The following RBFOX1 variants were observed in gnomAD, a reference collection of about 807,000 sequenced individuals.
The protein encoded by RBFOX1 is RNA binding fox-1 homolog 1, also known as RNA binding protein fox-1 homolog 1.
Under a neutral mutation model 57.7 loss-of-function variants are expected in RBFOX1, and 8 were observed. That is an observed-to-expected ratio of 0.14 (90% CI 0.08 to 0.25). The LOEUF is 0.25. Among genes scored for constraint, RBFOX1 ranks in the 10% least tolerant of loss-of-function variants. The pLI, the probability that RBFOX1 is intolerant of heterozygous loss-of-function variation, is 1.00. For missense variants in RBFOX1, 611 were observed against 548.5 expected, an observed-to-expected ratio of 1.11 and a Z score of -1.14; for synonymous variants, 326 against 222.4, an observed-to-expected ratio of 1.47 and a Z score of -4.15.
At chr16:7,133,510 A>G (rs1412472606) in intron 4 of RBFOX1, among the ~76,000 whole-genome samples, 1 of 152,188 alleles carries the variant, frequency 6.6e-6, no homozygotes, top group Non-Finnish European at 1.5e-5. Flanking sequence ...GTTGCAACCA[A>G]CAGAGAATCA....
intron 4 of RBFOX1, among the ~76,000 whole-genome samples, chr16:7,065,922 C>G (rs746721729): frequency 6.6e-6 from 1 of 152,154 alleles, no homozygotes; most frequent in Non-Finnish European, 1.5e-5. Flanking sequence ...GTGTAAGGCC[C>G]TGATCCTTAT....
intron 4 of RBFOX1, among the ~76,000 whole-genome samples, chr16:7,261,734 C>G (rs1033533735): frequency 6.6e-6 from 1 of 152,292 alleles, no homozygotes. Context: ...ATAATAGTAT[C>G]TACCTGATAG....
chr16:6,582,690 C>T (rs953310662), intron 2 of RBFOX1, among the ~76,000 whole-genome samples: 2 of 151,354 alleles, frequency 1.3e-5, no homozygotes, highest in Non-Finnish European at 2.9e-5. Context: ...CCATTTCTCT[C>T]TTCTCACTTC....
chr16:6,318,522 C>G (rs2152780007), intron 2 of RBFOX1, among the ~76,000 whole-genome samples: 1 of 152,210 alleles, frequency 6.6e-6, no homozygotes, highest in South Asian at 2.1e-4. Flanking sequence ...CATAAGGTTT[C>G]AAGGATGGGT....
chr16:5,454,744 T>TTTTTCTTCTCTTTCTTTCC (rs2068527878), intron 1 of RBFOX1, among the ~76,000 whole-genome samples: 1 of 118,654 alleles, frequency 8.4e-6, no homozygotes, highest in Admixed American at 8.6e-5. Flanking sequence ...TCTTTCTTTC[T>TTTTTCTTCTCTTTCTTTCC]TTTTCTTTTC....
intron 4 of RBFOX1, among the ~76,000 whole-genome samples, chr16:7,213,324 G>A (rs956189908): frequency 4.6e-5 from 7 of 152,228 alleles, no homozygotes; most frequent in African/African-American, 1.4e-4. Flanking sequence ...ATGGATCCAA[G>A]CCCAAACCAA....
intron 4 of RBFOX1, among the ~76,000 whole-genome samples, chr16:5,893,831 C>T (rs921001722): frequency 6.6e-6 from 1 of 151,828 alleles, no homozygotes; most frequent in Admixed American, 6.6e-5. Context: ...TCATGTAACC[C>T]ATAAATATAT....
At chr16:6,276,030 A>G (rs1017781898) in intron 1 of RBFOX1, among the ~76,000 whole-genome samples, 2 of 152,200 alleles carry the variant, frequency 1.3e-5, no homozygotes, top group Admixed American at 6.5e-5. Flanking sequence ...CTATTCTTTA[A>G]TTGTACAGAT....
In RBFOX1 at chr16:7,246,046, T is replaced by C. The variant is rs879308440; in HGVS notation, c.27+193948T>C. On this transcript the variant is annotated intron_variant, in intron 4 of 15. Coordinates refer to ENST00000550418, the MANE Select transcript of RBFOX1 (RefSeq NM_018723.4). ...CAAATTATCACCCACCTTAGATGAA[T>C]GATTAATTCCACAACTGTTAAGTAT... is the stretch of plus-strand genomic sequence containing the variant. 2.6e-5 allele frequency among the ~76,000 whole-genome samples: 4 copies of C among 152,352 alleles called. No individual in the cohort carries two copies. In the East Asian group the frequency reaches 7.7e-4, roughly 29 times the overall value.
intron 4 of RBFOX1, among the ~76,000 whole-genome samples, chr16:7,452,617 C>G (rs541972639): frequency 6.6e-6 from 1 of 152,282 alleles, no homozygotes; most frequent in African/African-American, 2.4e-5. Context: ...GTATCAGGCA[C>G]TTGCTGTGGT....
intron 2 of RBFOX1, chr16:6,577,314 T>G (rs1247314760): frequency 2.0e-5 from 3 of 152,320 alleles, no homozygotes; most frequent in Admixed American, 6.5e-5. Flanking sequence ...GTGATATCAG[T>G]GGAATTTCCA....
chr16:5,480,432 A>C (rs1340871041), intron 2 of RBFOX1, among the ~76,000 whole-genome samples: 1 of 152,182 alleles, frequency 6.6e-6, no homozygotes, highest in South Asian at 2.1e-4. Context: ...AAAAATACAG[A>C]CAAGTATTAA....
chr16:6,790,828 C>T (rs1364376962), intron 3 of RBFOX1, among the ~76,000 whole-genome samples: 1 of 151,948 alleles, frequency 6.6e-6, no homozygotes, highest in African/African-American at 2.4e-5. Context: ...TTTCAAATCA[C>T]AGTTATTTAA....
intron 3 of RBFOX1, among the ~76,000 whole-genome samples, chr16:5,856,975 CTGTT>C (rs2057087947): frequency 6.6e-6 from 1 of 152,088 alleles, no homozygotes; most frequent in African/African-American, 2.4e-5. Flanking sequence ...ACGTGGATAA[CTGTT>C]TGGGGGAAGA....
In RBFOX1 at chr16:7,243,210, G is replaced by A. The variant is rs1191641710; in HGVS notation, c.27+191112G>A. Among the ~76,000 whole-genome samples the A allele has an allele frequency of 2.6e-5, 4 of 152,222 alleles. No individual in the cohort carries two copies. The East Asian group carries it at 5.8e-4, about 22-fold the overall frequency. ...AACACATATTGATCTCTTGCTACGT[G>A]CCAACAACTACTCCAAGCACTTGGC... On this transcript the variant is annotated intron_variant, in intron 4 of 15. Coordinates refer to ENST00000550418, the MANE Select transcript of RBFOX1 (RefSeq NM_018723.4).
At chr16:5,308,487 C>A (rs556053196) in intron 1 of RBFOX1, among the ~76,000 whole-genome samples, 1 of 152,246 alleles carries the variant, frequency 6.6e-6, no homozygotes, top group East Asian at 1.9e-4. Flanking sequence ...TCTGACTGAT[C>A]AATTTCAGTC....
intron 4 of RBFOX1, among the ~76,000 whole-genome samples, chr16:7,294,610 C>G (rs901986468): frequency 6.6e-5 from 10 of 151,552 alleles, no homozygotes; most frequent in Admixed American, 3.9e-4. Context: ...TACTCCTGCT[C>G]TAATTGAGTA....
intron 1 of RBFOX1, among the ~76,000 whole-genome samples, chr16:6,104,604 T>G (rs536201191): frequency 2.6e-4 from 40 of 152,258 alleles, no homozygotes; most frequent in African/African-American, 9.4e-4. Context: ...CAACCACTAA[T>G]CTATCGTGTT....
chr16:5,964,020 T>C (rs1283577941), intron 4 of RBFOX1, among the ~76,000 whole-genome samples: 1 of 152,202 alleles, frequency 6.6e-6, no homozygotes, highest in Non-Finnish European at 1.5e-5. Flanking sequence ...GTGATTAATA[T>C]CTGTGTTTTA....
Sources: allele counts gnomAD v4.1 joint callset (sites outside exome capture counted in the v4.1 genomes callset), GRCh38; gene constraint gnomAD v4.1.1; transcripts MANE v1.5; gene names NCBI Gene and HGNC (gene_info 2026-07-23, HGNC 2026-07-21).